Variants in FRMPD3 observed in about 807,000 individuals in gnomAD.
FRMPD3 encodes FERM and PDZ domain-containing protein 3.
A neutral mutation model predicts 97.9 loss-of-function variants in FRMPD3; 42 were observed. That is an observed-to-expected ratio of 0.43 (90% CI 0.34 to 0.55). The LOEUF is 0.55. Among genes scored for constraint, FRMPD3 ranks in the 20% least tolerant of loss-of-function variants. FRMPD3 has a pLI of 0.03. For missense variants in FRMPD3, 1,303 were observed against 1,457.7 expected (o/e 0.89, Z 1.73); for synonymous variants, 577 against 581.1 (o/e 0.99, Z 0.10).
intron 1 of FRMPD3, among the ~76,000 whole-genome samples, chrX:107,505,220 A>T (rs1362322632): frequency 8.9e-6 from 1 of 112,311 alleles, no homozygotes; most frequent in Non-Finnish European, 1.9e-5. Context: ...GAACCACACA[A>T]ATACTCCCAT....
At chrX:107,537,726 C>G (rs1408703397) in intron 4 of FRMPD3, among the ~76,000 whole-genome samples, 1 of 111,497 alleles carries the variant, frequency 9.0e-6, no homozygotes, top group Non-Finnish European at 1.9e-5. Flanking sequence ...CTGGTATGGC[C>G]ATCCCAGTGC....
At chrX:107,453,026 A>G (rs188147215) in intron 1 of FRMPD3, among the ~76,000 whole-genome samples, 157 of 110,596 alleles carry the variant, frequency 1.4e-3, no homozygotes, top group African/African-American at 4.9e-3. Flanking sequence ...GATGCAGGAC[A>G]ACGGAAGCAC....
chrX:107,488,699 C>T (rs1403111160), intron 1 of FRMPD3, among the ~76,000 whole-genome samples: 1 of 111,363 alleles, frequency 9.0e-6, no homozygotes, highest in African/African-American at 3.3e-5. Flanking sequence ...ACTTTCAGTC[C>T]AGTGGGTTTT....
intron 1 of FRMPD3, among the ~76,000 whole-genome samples, chrX:107,451,527 A>G (rs1034949867): frequency 8.9e-6 from 1 of 112,035 alleles, no homozygotes; most frequent in Non-Finnish European, 1.9e-5. Flanking sequence ...AGCAGGGGGA[A>G]CCCAGCTGCC....
At chrX:107,579,099 A>T (rs182150646) in intron 13 of FRMPD3, among the ~76,000 whole-genome samples, 1 of 112,088 alleles carries the variant, frequency 8.9e-6, no homozygotes, top group African/African-American at 3.2e-5. Context: ...ACAAAGGCCA[A>T]TAGGGAATAG....
intron 5 of FRMPD3, among the ~76,000 whole-genome samples, chrX:107,548,271 T>A (rs1921706930): frequency 8.9e-6 from 1 of 112,733 alleles, no homozygotes; most frequent in African/African-American, 3.2e-5. Context: ...GCCAAGTCAC[T>A]ACAACAAGAA....
chrX:107,531,177 C>T (rs1039255889), intron 3 of FRMPD3, among the ~76,000 whole-genome samples: 1 of 110,123 alleles, frequency 9.1e-6, no homozygotes, highest in Non-Finnish European at 1.9e-5. Flanking sequence ...CACATTCACA[C>T]CACATACACA....
intron 11 of FRMPD3, among the ~76,000 whole-genome samples, chrX:107,564,283 A>C (rs1922506280): frequency 8.9e-6 from 1 of 112,539 alleles, no homozygotes; most frequent in Admixed American, 9.4e-5. Flanking sequence ...CCACTGCTAA[A>C]ATTTCTATTG....
At chrX:107,498,251 A>G (rs1310752795) in intron 1 of FRMPD3, among the ~76,000 whole-genome samples, 3 of 112,452 alleles carry the variant, frequency 2.7e-5, no homozygotes, top group Middle Eastern at 4.2e-3. Flanking sequence ...GCCTGAAGGA[A>G]ACATGACAGG....
At position 107,603,746 on chromosome X, in the gene FRMPD3, C is replaced by A; in HGVS notation, c.*373C>A. ...GAGCCAGGGCCTGAAGCAAGCGGACCCTCAGGCTTTGAGCTCCTCGTGGCA... is the reference window on the plus strand; with the variant it reads ...GAGCCAGGGCCTGAAGCAAGCGGACACTCAGGCTTTGAGCTCCTCGTGGCA... On this transcript the variant is annotated 3_prime_UTR_variant, in exon 15 of 15. Coordinates refer to ENST00000683843, the MANE Select transcript of FRMPD3 (RefSeq NM_001388459.1). 2 of 151,782 alleles carry A rather than the reference C, an allele frequency of 1.3e-5. No individual in the cohort carries two copies. Among genetic ancestry groups the A allele is most frequent in the Admixed American group, 7.3e-5 (1 of 13,674 alleles). 12.5% of individuals were successfully genotyped at this position (151,782 alleles called of 1,213,427 possible).
chrX:107,460,147 C>G (rs1002086124), intron 1 of FRMPD3, among the ~76,000 whole-genome samples: 1 of 111,095 alleles, frequency 9.0e-6, no homozygotes, highest in Non-Finnish European at 1.9e-5. Context: ...ATGTTTACTA[C>G]CCTTCTGATG....
At chrX:107,548,080 C>T (rs937652525) in intron 5 of FRMPD3, among the ~76,000 whole-genome samples, 2 of 111,824 alleles carry the variant, frequency 1.8e-5, no homozygotes, top group African/African-American at 6.5e-5. Flanking sequence ...TTTGCTTGTT[C>T]CTCTTTCCAT....
At chrX:107,589,414 C>T (rs758692189) in intron 13 of FRMPD3, among the ~76,000 whole-genome samples, 55 of 111,159 alleles carry the variant, frequency 4.9e-4, no homozygotes, top group African/African-American at 1.7e-3. Flanking sequence ...TTCACTCCTG[C>T]ACCTGGAGAT....
At chrX:107,517,076 G>T (rs1450678293) in intron 1 of FRMPD3, among the ~76,000 whole-genome samples, 2 of 111,903 alleles carry the variant, frequency 1.8e-5, no homozygotes, top group Non-Finnish European at 3.8e-5. Flanking sequence ...AAGGGATCCA[G>T]TTTCAGCTTT....
intron 1 of FRMPD3, among the ~76,000 whole-genome samples, chrX:107,497,216 G>A (rs940230959): frequency 6.2e-5 from 7 of 112,998 alleles, no homozygotes; most frequent in Non-Finnish European, 9.4e-5. Flanking sequence ...CCAGCTTTTG[G>A]TTTTATTTTA....
chrX:107,593,435 T>A lies in FRMPD3; in HGVS notation c.1442-3886T>A, dbSNP rs938402772. Among the ~76,000 whole-genome samples, 4 of 112,376 alleles carry A rather than the reference T, an allele frequency of 3.6e-5. No homozygotes were observed. The Admixed American group carries it at 3.8e-4, about 11-fold the overall frequency. ...CTATTTATCTTTATTTTTATTGCTT[T>A]TGCTTTTGGGTTCCTGGTCATGAAA... On this transcript the variant is annotated intron_variant, in intron 13 of 14. Transcript: ENST00000683843.
rs1035046248 is a variant in FRMPD3, at chrX:107,533,621, A to C, written c.297+71A>C. 4.0e-6 allele frequency: 4 copies of C among 1,000,712 alleles called. No individual in the cohort carries two copies. The African/African-American group carries it at 7.5e-5, about 19-fold the overall frequency. The allele number at this position is 1,000,712 out of a possible 1,213,427, so 82.5% of individuals were successfully genotyped here. The stretch of plus-strand genomic sequence containing the variant: ...AGATGACATTTCCATATTGGAAAGC[A>C]ACAGTGATGGGGTTGGGGGTTCAGA... On this transcript the variant is annotated intron_variant, in intron 4 of 14. Transcript: ENST00000683843.
intron 2 of FRMPD3, among the ~76,000 whole-genome samples, chrX:107,530,080 T>C (rs936878485): frequency 8.9e-6 from 1 of 112,254 alleles, no homozygotes. Flanking sequence ...CATTCTGTGT[T>C]TGGAACAGCA....
chrX:107,564,604 C>T (rs964563443), intron 11 of FRMPD3, among the ~76,000 whole-genome samples: 15 of 112,343 alleles, frequency 1.3e-4, no homozygotes, highest in Non-Finnish European at 2.1e-4. Flanking sequence ...ACCTACTTCA[C>T]GGTTTTGCTT....
Sources: gnomAD v4.1 joint callset for allele counts (sites outside exome capture counted in the v4.1 genomes callset) on GRCh38, gnomAD v4.1.1 for gene constraint, MANE v1.5 for transcripts, NCBI Gene and HGNC (gene_info 2026-07-23, HGNC 2026-07-21) for gene names.